RNPS1: variants seen among roughly 807,000 people sequenced by gnomAD.
RNPS1 encodes the protein RNA-binding protein with serine-rich domain 1.
For missense variants in RNPS1, 300 were observed against 427.6 expected (o/e 0.70, Z 2.63); for synonymous variants, 147 against 150.0 (o/e 0.98, Z 0.15).
intron 4 of RNPS1, 62 bp downstream of exon 4, chr16:2,263,034 C>G: frequency 6.4e-7 from 1 of 1,560,078 alleles, no homozygotes; most frequent in Non-Finnish European, 8.7e-7. Context: ...CTTTTATAAC[C>G]TCGATGGTAA....
chr16:2,264,257 G>A lies in RNPS1; in HGVS notation c.146C>T (p.Thr49Ile). ...SKDRSKDKGA[T>I]KESSEKDRGR... is the part of the protein sequence containing the mutation. ...GCGATCCTTCTCACTCGACTCCTTG[G>A]TGGCCCCTTTATCTTTTGAGCGATC... The change falls in exon 3 of 8, where the codon ACC becomes ATC. Residue 49 changes from threonine to isoleucine, a missense_variant. Coordinates refer to ENST00000320225, the MANE Select transcript of RNPS1 (RefSeq NM_080594.4). 1 of 1,614,116 alleles carries A rather than the reference G, an allele frequency of 6.2e-7. No individual in the cohort carries two copies.
At position 2,255,738 on chromosome 16, in the gene RNPS1, G is replaced by C; in HGVS notation, c.677-12C>G. The C allele has an allele frequency of 6.2e-7, 1 of 1,613,286 alleles. No homozygotes were observed. Among genetic ancestry groups the C allele is most frequent in the Non-Finnish European group, 8.5e-7 (1 of 1,179,768 alleles). On this transcript the variant is annotated splice_polypyrimidine_tract_variant and intron_variant, in intron 6 of 7. Transcript: ENST00000320225. ...GCCATCAATTTGTCCTGTTGAAAAA[G>C]ACAGCAAGTCATAAAATATCTAACA...
chr16:2,261,513 A>C (rs1270984468), intron 6 of RNPS1, among the ~76,000 whole-genome samples: 3 of 152,238 alleles, frequency 2.0e-5, no homozygotes, highest in Non-Finnish European at 4.4e-5. Flanking sequence ...ATACATATAC[A>C]TGCATGATAA....
At chr16:2,262,578 G>A (rs561401459) in intron 5 of RNPS1, 147 bp from the exon 6 acceptor site, 5 of 1,027,960 alleles carry the variant, frequency 4.9e-6, no homozygotes, top group East Asian at 4.9e-5. Context: ...AAATCTCCCA[G>A]ACACATGTAT....
At chr16:2,255,192 G>A (rs1406450345) in intron 7 of RNPS1, among the ~76,000 whole-genome samples, 1 of 152,194 alleles carries the variant, frequency 6.6e-6, no homozygotes, top group Non-Finnish European at 1.5e-5. Context: ...ACCGGCAACG[G>A]AAGACCAAAC....
At chr16:2,268,026 G>A (rs1291234936) in intron 1 of RNPS1, 29 bp downstream of exon 1, 3 of 1,533,770 alleles carry the variant, frequency 2.0e-6, no homozygotes, top group African/African-American at 2.7e-5. Context: ...CCCGAAACAC[G>A]GATGCAGTCG....
At chr16:2,267,612 G>T in intron 1 of RNPS1, 1 of 1,074,354 alleles carries the variant, frequency 9.3e-7, no homozygotes, top group Non-Finnish European at 1.1e-6. Context: ...CGCGCCCGCC[G>T]ACACCGGCCC....
chr16:2,262,190 G>C, intron 6 of RNPS1, 88 bp downstream of exon 6: 2 of 1,339,570 alleles, frequency 1.5e-6, no homozygotes, highest in Non-Finnish European at 2.1e-6. Context: ...CAAACAAAAA[G>C]AAGTGCAGCC....
At chr16:2,258,276 GA>G (rs2093587409) in intron 6 of RNPS1, 1 of 152,178 alleles carries the variant, frequency 6.6e-6, no homozygotes, top group Non-Finnish European at 1.5e-5. Flanking sequence ...AACTGAATTT[GA>G]TCCTTAAGCT....
In RNPS1 at chr16:2,261,274, C is replaced by T. The variant is rs143474753; in HGVS notation, c.676+1004G>A. On this transcript the variant is annotated intron_variant, in intron 6 of 7. Coordinates refer to ENST00000320225, the MANE Select transcript of RNPS1 (RefSeq NM_080594.4). ...CAAGCCCTGTAAACTGAAGACTAAA[C>T]TTGGGAAGAAAACAGCAGCAACCTA... Among the ~76,000 whole-genome samples, 8 of 152,272 alleles carry T rather than the reference C, an allele frequency of 5.3e-5. No individual in the cohort carries two copies. In the East Asian group the frequency reaches 1.5e-3, roughly 29 times the overall value.
chr16:2,254,185 G>A lies in RNPS1; in HGVS notation c.819-122C>T, dbSNP rs1161393567. Reference sequence around the variant, plus strand: ...GGAATATCACTCTGTCTCCAGGCCAGAGTGCAGTGGCACGATCTCAGCTCA... The same window carrying A: ...GGAATATCACTCTGTCTCCAGGCCAAAGTGCAGTGGCACGATCTCAGCTCA... On this transcript the variant is annotated intron_variant, in intron 7 of 7. Coordinates refer to ENST00000320225, the MANE Select transcript of RNPS1 (RefSeq NM_080594.4). 6 of 680,038 alleles carry A rather than the reference G, an allele frequency of 8.8e-6. No homozygotes were observed. In the East Asian group the frequency reaches 1.6e-4, roughly 18 times the overall value. 42.1% of individuals were successfully genotyped at this position (680,038 alleles called of 1,614,324 possible).
rs564530080 is a variant in RNPS1 at position 2,260,258 on chromosome 16, C to A, written c.676+2020G>T. On this transcript the variant is annotated intron_variant, in intron 6 of 7. Coordinates refer to ENST00000320225, the MANE Select transcript of RNPS1 (RefSeq NM_080594.4). ...GCAATCCCTGCCTCCTAGGTTCAAGCAATTCTCCTGCCTCAGCCTCCCAAG... is the reference window on the plus strand; with the variant it reads ...GCAATCCCTGCCTCCTAGGTTCAAGAAATTCTCCTGCCTCAGCCTCCCAAG... Among the ~76,000 whole-genome samples, 5 of 146,066 alleles carry A rather than the reference C, an allele frequency of 3.4e-5. No homozygotes were observed. In the South Asian group the frequency reaches 1.1e-3, roughly 32 times the overall value.
Position 2,262,341 on chromosome 16 carries a change from A to T in RNPS1, c.613T>A (p.Tyr205Asn). 6.2e-7 allele frequency: 1 copy of T among 1,614,106 alleles called. No homozygotes were observed. Among genetic ancestry groups the T allele is most frequent in the Non-Finnish European group, 8.5e-7 (1 of 1,180,000 alleles). Residue 205 changes from tyrosine (Y) to asparagine (N), a missense_variant, in exon 6 of 8, where the codon TAT (tyrosine) becomes AAT (asparagine). Coordinates refer to ENST00000320225, the MANE Select transcript of RNPS1 (RefSeq NM_080594.4). The part of the protein sequence containing the change: ...ERMHPHLSKG[Y>N]AYVEFENPDE... ...GGATTCTCAAACTCTACGTACGCAT[A>T]GCCTTTGGACAGATGGGGATGCATC... is the stretch of plus-strand genomic sequence containing the variant.
intron 1 of RNPS1, chr16:2,265,030 T>C (rs2093619583): frequency 1.1e-5 from 2 of 188,658 alleles, no homozygotes; most frequent in Admixed American, 5.5e-5. Context: ...TTTTACAGGC[T>C]GAACAATTCA....
chr16:2,266,144 CACACCA>C (rs2093624244), intron 1 of RNPS1: 1 of 985,322 alleles, frequency 1.0e-6, no homozygotes, highest in Admixed American at 6.1e-5. Context: ...GAGGACACAG[CACACCA>C]ATGTGGTCCT....
At chr16:2,260,147 C>CTTTTTTTTTT (rs776703032) in intron 6 of RNPS1, among the ~76,000 whole-genome samples, 1 of 72,432 alleles carries the variant, frequency 1.4e-5, no homozygotes, top group Non-Finnish European at 2.9e-5. Context: ...TGTGTGTATT[C>CTTTTTTTTTT]TTTTTTTTTT....
At position 2,267,905 on chromosome 16, in the gene RNPS1, C is replaced by T. The variant is rs550974205; in HGVS notation, c.-118+150G>A. Reference sequence around the variant, plus strand: ...CACCTCCCACTCCGCCCGCCCCGGGCCACACTCTTTCTTCTCGGAGCCCGC... The same window carrying T: ...CACCTCCCACTCCGCCCGCCCCGGGTCACACTCTTTCTTCTCGGAGCCCGC... On this transcript the variant is annotated intron_variant, in intron 1 of 7. Transcript: ENST00000320225. 24 of 1,536,056 alleles carry T rather than the reference C, an allele frequency of 1.6e-5. No individual in the cohort carries two copies. In the African/African-American group the frequency reaches 2.2e-4, roughly 14 times the overall value.
intron 5 of RNPS1, 47 bp downstream of exon 5, chr16:2,262,693 T>G: frequency 6.6e-7 from 1 of 1,523,538 alleles, no homozygotes. Context: ...GGCACAGGCC[T>G]GCTTGTCCAC....
chr16:2,262,946 G>T, intron 4 of RNPS1, 104 bp from the exon 5 acceptor site: 4 of 1,318,168 alleles, frequency 3.0e-6, no homozygotes, highest in Non-Finnish European at 3.2e-6. Context: ...TTTTCATAAG[G>T]AAGACTTTCC....
Sources: allele counts gnomAD v4.1 joint callset (sites outside exome capture counted in the v4.1 genomes callset), GRCh38; gene constraint gnomAD v4.1.1; transcripts MANE v1.5; gene names NCBI Gene and HGNC (gene_info 2026-07-23, HGNC 2026-07-21).